Variants in SPON1 observed in about 807,000 individuals in gnomAD.
SPON1 encodes the protein spondin-1.
In SPON1, 52 loss-of-function variants were observed where a neutral mutation model predicts 111.7. The ratio of observed to expected loss-of-function variants is 0.47; its 90% CI spans 0.37 to 0.59. The LOEUF is 0.59. Ranked by LOEUF, SPON1 falls within the 20% of genes least tolerant of loss-of-function variation. SPON1 has a pLI of 0.00. For synonymous variants in SPON1, 410 were observed against 395.8 expected (o/e 1.04, Z -0.43); for missense variants, 957 against 1,068.5 (o/e 0.90, Z 1.46).
In SPON1 at chr11:14,194,129, T is replaced by C. The variant is rs542291936; in HGVS notation, c.826-49203T>C. On this transcript the variant is annotated intron_variant, in intron 6 of 15. Transcript: ENST00000576479. ...AGGCCAGTGGTTCTAGCCCTTTTGG[T>C]TCAGGATAAAACTTCACCCTTCCTA... Among the ~76,000 whole-genome samples, 37 of 152,280 alleles carry C rather than the reference T, an allele frequency of 2.4e-4. No homozygotes were observed. In the South Asian group the frequency reaches 7.7e-3, roughly 32 times the overall value.
intron 6 of SPON1, among the ~76,000 whole-genome samples, chr11:14,213,079 C>G (rs1848591953): frequency 6.6e-6 from 1 of 152,198 alleles, no homozygotes; most frequent in African/African-American, 2.4e-5. Flanking sequence ...TGTCCTGTGC[C>G]TGCATCCAAG....
intron 10 of SPON1, 93 bp downstream of exon 10, chr11:14,256,785 A>G (rs1437269774): frequency 3.1e-6 from 3 of 955,380 alleles, no homozygotes; most frequent in African/African-American, 1.6e-5. Flanking sequence ...ACCATAAACC[A>G]TGTGCTTTGA....
intron 3 of SPON1, among the ~76,000 whole-genome samples, chr11:14,069,471 TCTC>T (rs1203114403): frequency 2.0e-5 from 3 of 152,054 alleles, no homozygotes; most frequent in Admixed American, 6.6e-5. Context: ...GCCGCCATCA[TCTC>T]CTCCTCTTGA....
intron 5 of SPON1, among the ~76,000 whole-genome samples, chr11:14,114,651 A>G (rs1591379308): frequency 6.6e-6 from 1 of 151,946 alleles, no homozygotes; most frequent in Non-Finnish European, 1.5e-5. Flanking sequence ...CCACCCTTTC[A>G]TTCTCTGCAT....
intron 6 of SPON1, among the ~76,000 whole-genome samples, chr11:14,143,570 A>AG (rs1272166452): frequency 6.6e-6 from 1 of 152,116 alleles, no homozygotes; most frequent in Non-Finnish European, 1.5e-5. Context: ...CCAAAAAAAA[A>AG]AAAAGGGCAG....
At chr11:14,141,029 C>CCCCCCCCCCCCCCCCCA (rs71041572) in intron 6 of SPON1, among the ~76,000 whole-genome samples, 2 of 132,272 alleles carry the variant, frequency 1.5e-5, no homozygotes, top group African/African-American at 2.8e-5. Flanking sequence ...GTGCCCCCCC[C>CCCCCCCCCCCCCCCCCA]ATGCCCCACT....
chr11:14,240,589 T>TG (rs1848914365), intron 6 of SPON1, among the ~76,000 whole-genome samples: 10 of 140,252 alleles, frequency 7.1e-5, no homozygotes, highest in South Asian at 2.4e-4. Flanking sequence ...AGAAGCAATA[T>TG]TGTGTGTGTG....
chr11:14,113,237 C>T (rs545482090), intron 5 of SPON1, among the ~76,000 whole-genome samples: 1 of 152,316 alleles, frequency 6.6e-6, no homozygotes, highest in African/African-American at 2.4e-5. Context: ...AGAAAACAGA[C>T]CTCTCCTGCC....
chr11:14,257,551 C>G lies in SPON1; in HGVS notation c.1310-165C>G, dbSNP rs190828333. Among the ~76,000 whole-genome samples the G allele has an allele frequency of 2.6e-5, 4 of 152,340 alleles. No homozygotes were observed. The East Asian group carries it at 7.7e-4, about 29-fold the overall frequency. On this transcript the variant is annotated intron_variant, in intron 10 of 15. Transcript: ENST00000576479. ...TATTAGCAAGATGTTAAACTATTAT[C>G]TTTAAAGGGAAGTGGATGGCTGCTT...
chr11:14,076,446 C>T (rs1848918786), intron 4 of SPON1, among the ~76,000 whole-genome samples: 2 of 152,120 alleles, frequency 1.3e-5, no homozygotes, highest in Admixed American at 1.3e-4. Flanking sequence ...TGCTACGTGC[C>T]AATAACTATT....
intron 4 of SPON1, 105 bp from the exon 5 acceptor site, chr11:14,079,794 A>G (rs1848946913): frequency 4.7e-6 from 6 of 1,263,884 alleles, no homozygotes; most frequent in Non-Finnish European, 6.7e-6. Flanking sequence ...TGAAAGCTGC[A>G]TCTTCTTTTC....
chr11:14,231,907 A>G (rs1848807870), intron 6 of SPON1, among the ~76,000 whole-genome samples: 1 of 140,832 alleles, frequency 7.1e-6, no homozygotes, highest in South Asian at 2.5e-4. Flanking sequence ...GCAATTGATG[A>G]AAGCTGCTGG....
chr11:14,213,597 A>T (rs56371486), intron 6 of SPON1, among the ~76,000 whole-genome samples: 182 of 152,278 alleles, frequency 1.2e-3, no homozygotes, highest in Middle Eastern at 3.5e-3. Context: ...TTCTATGTAC[A>T]AAGCACTTTC....
chr11:14,108,348 A>C (rs182672379), intron 5 of SPON1, among the ~76,000 whole-genome samples: 58 of 152,224 alleles, frequency 3.8e-4, no homozygotes, highest in Admixed American at 1.3e-3. Context: ...CAAATTCTCA[A>C]CCTCTAAATA....
At chr11:14,084,735 C>T (rs1848991914) in intron 5 of SPON1, among the ~76,000 whole-genome samples, 1 of 152,202 alleles carries the variant, frequency 6.6e-6, no homozygotes, top group Admixed American at 6.5e-5. Flanking sequence ...CTGTGTTCCA[C>T]AATGGTTGAA....
intron 5 of SPON1, among the ~76,000 whole-genome samples, chr11:14,121,446 G>A (rs1240572252): frequency 6.6e-6 from 1 of 152,184 alleles, no homozygotes; most frequent in Non-Finnish European, 1.5e-5. Flanking sequence ...ATAAGCTCGG[G>A]TTCAGATTGC....
intron 2 of SPON1, among the ~76,000 whole-genome samples, chr11:13,998,160 C>T (rs1554912051): frequency 6.6e-6 from 1 of 152,186 alleles, no homozygotes; most frequent in Admixed American, 6.5e-5. Context: ...ATGAAGTAGG[C>T]ACTCTTATTA....
At chr11:14,222,969 C>T (rs996765521) in intron 6 of SPON1, among the ~76,000 whole-genome samples, 6 of 152,206 alleles carry the variant, frequency 3.9e-5, no homozygotes, top group African/African-American at 1.4e-4. Flanking sequence ...AAACAAACTA[C>T]ACCCAAGAAA....
chr11:14,045,889 T>C (rs1848664839), intron 3 of SPON1, among the ~76,000 whole-genome samples: 1 of 152,104 alleles, frequency 6.6e-6, no homozygotes, highest in Non-Finnish European at 1.5e-5. Flanking sequence ...TCCTTTCCTT[T>C]ATGAATTTTG....
Sources: allele counts gnomAD v4.1 joint callset (sites outside exome capture counted in the v4.1 genomes callset), GRCh38; gene constraint gnomAD v4.1.1; transcripts MANE v1.5; gene names NCBI Gene and HGNC (gene_info 2026-07-23, HGNC 2026-07-21).